Variants in TUBGCP5 observed in about 807,000 individuals in gnomAD.
The protein encoded by TUBGCP5 is tubulin gamma complex component 5.
TUBGCP5 carries 98 observed loss-of-function variants against 134.7 expected under a neutral mutation model. That is an observed-to-expected ratio of 0.73 (90% CI 0.62 to 0.86). The LOEUF is 0.86. Ranked by LOEUF, TUBGCP5 falls within the 40% of genes least tolerant of loss-of-function variation. TUBGCP5 has a pLI of 0.00. For synonymous variants in TUBGCP5, 456 were observed against 431.4 expected, an observed-to-expected ratio of 1.06 and a Z score of -0.71; for missense variants, 1,150 against 1,244.8, an observed-to-expected ratio of 0.92 and a Z score of 1.15.
intron 11 of TUBGCP5, among the ~76,000 whole-genome samples, chr15:23,021,714 A>C (rs1275687812): frequency 6.6e-6 from 1 of 152,220 alleles, no homozygotes; most frequent in African/African-American, 2.4e-5. Context: ...TATTGTAAAT[A>C]TCTATACACA....
At chr15:23,024,238 A>T (rs2140573564) in intron 9 of TUBGCP5, 45 bp from the exon 10 acceptor site, 1 of 1,590,140 alleles carries the variant, frequency 6.3e-7, no homozygotes, top group Non-Finnish European at 8.6e-7. Context: ...GGTCTTCTGT[A>T]AACATTCAAA....
At chr15:23,035,304 TG>T (rs2066520429) in intron 3 of TUBGCP5, among the ~76,000 whole-genome samples, 1 of 140,230 alleles carries the variant, frequency 7.1e-6, no homozygotes, top group Admixed American at 7.3e-5. Flanking sequence ...ACTCCAAGCC[TG>T]GGTGACAAAG....
chr15:23,018,177 G>A (rs1189268697), intron 12 of TUBGCP5, 136 bp from the exon 13 acceptor site: 17 of 800,696 alleles, frequency 2.1e-5, no homozygotes, highest in South Asian at 4.1e-5. Context: ...AGGCAAAATG[G>A]GACAGTTTTA....
In TUBGCP5 at chr15:23,031,942, C is replaced by T; in HGVS notation, c.486+8G>A. 6.3e-7 allele frequency: 1 copy of T among 1,593,922 alleles called. No individual in the cohort carries two copies. The highest frequency in any genetic ancestry group is 8.6e-7 in the Non-Finnish European group (1 of 1,169,324). ...TCAATTTTCAATAGCAAAACTACTA[C>T]CACTTACTGGTGTGTCCATGTACGG... On this transcript the variant is annotated splice_region_variant and intron_variant, in intron 5 of 22. Transcript: ENST00000615383.
intron 23 of TUBGCP5, among the ~76,000 whole-genome samples, chr15:22,989,024 G>A (rs1334979107): frequency 2.0e-5 from 3 of 152,018 alleles, no homozygotes; most frequent in Non-Finnish European, 2.9e-5. Context: ...TCTGCCCTCA[G>A]GCTGCCCTGG....
intron 23 of TUBGCP5, among the ~76,000 whole-genome samples, chr15:22,993,525 G>GTTTTCTT (rs2063925228): frequency 1.4e-5 from 1 of 69,288 alleles, no homozygotes; most frequent in African/African-American, 6.0e-5. Context: ...AGCCCCCGAA[G>GTTTTCTT]TTTTTTTTTT....
rs2289814 is a variant in TUBGCP5, at chr15:23,003,304, T to C, written c.2839-151A>G. On this transcript the variant is annotated intron_variant, in intron 20 of 22. Transcript: ENST00000615383. ...TGGAAGGGTACTAGGCTCTGAACCA[T>C]GCCCATTTGGGACCAGGCACATGCA... The C allele has an allele frequency of 0.1, 67,497 of 659,072 alleles. 6,313 individuals are homozygous for C. The highest frequency in any genetic ancestry group is 0.46 in the East Asian group (16,198 of 35,426). The allele number at this position is 659,072 out of a possible 1,614,324, so 40.8% of individuals were successfully genotyped here. A position where few individuals can be genotyped will look rare whatever the true frequency, so the allele number is the denominator to read the frequency against.
intron 18 of TUBGCP5, 96 bp downstream of exon 18, chr15:23,005,956 T>TC (rs527395918): frequency 2.3e-5 from 31 of 1,330,276 alleles, no homozygotes; most frequent in Non-Finnish European, 2.9e-5. Context: ...TTTTTTTTTT[T>TC]CCAGATCCCC....
Position 23,039,418 on chromosome 15 carries a change from G to C in TUBGCP5, c.126C>G (p.Asn42Lys), listed in dbSNP as rs757026119. 11 of 1,525,844 alleles carry C rather than the reference G, an allele frequency of 7.2e-6. No individual in the cohort carries two copies. The highest frequency in any genetic ancestry group is 1.4e-5 in the African/African-American group (1 of 70,140). 94.5% of individuals were successfully genotyped at this position (1,525,844 alleles called of 1,614,324 possible). A position where few individuals can be genotyped will look rare whatever the true frequency, so the allele number is the denominator to read the frequency against. ...EADPNFQLAL[N>K]FAWSNFRFHR... is the part of the protein sequence containing the mutation. ...CACACCTGAAGTTGGACCAGGCGAAGTTTAGGGCGAGCTGGAAGTTGGGGT... is the reference window on the plus strand; with the variant it reads ...CACACCTGAAGTTGGACCAGGCGAACTTTAGGGCGAGCTGGAAGTTGGGGT... The change falls in exon 1 of 23, where the codon AAC (asparagine) becomes AAG (lysine). Residue 42 changes from asparagine to lysine, a missense_variant. Physicochemically the swap from Asn to Lys is moderately conservative, Grantham distance 94 (BLOSUM62 0). Coordinates refer to ENST00000615383, the MANE Select transcript of TUBGCP5 (RefSeq NM_052903.6).
intron 6 of TUBGCP5, among the ~76,000 whole-genome samples, chr15:23,030,042 A>G (rs2066218415): frequency 6.6e-6 from 1 of 152,280 alleles, no homozygotes; most frequent in Admixed American, 6.5e-5. Flanking sequence ...AAAAAATACA[A>G]AAATTAACTG....
chr15:23,009,264 A>T (rs2064897006), intron 15 of TUBGCP5, among the ~76,000 whole-genome samples: 1 of 149,948 alleles, frequency 6.7e-6, no homozygotes, highest in Non-Finnish European at 1.5e-5. Context: ...CTGCTTTTTA[A>T]TTGCCATAAT....
chr15:23,029,064 G>C (rs2066143350), intron 6 of TUBGCP5, among the ~76,000 whole-genome samples: 2 of 151,828 alleles, frequency 1.3e-5, no homozygotes, highest in South Asian at 4.1e-4. Context: ...ATTAACAAAT[G>C]AACACTCAAG....
intron 10 of TUBGCP5, 147 bp downstream of exon 10, chr15:23,023,800 T>C (rs774534122): frequency 4.0e-6 from 3 of 748,954 alleles, no homozygotes; most frequent in Non-Finnish European, 5.9e-6. Context: ...GGCTTAAAAA[T>C]ATAAATTTAA....
In TUBGCP5 at chr15:23,011,317, T is replaced by C; in HGVS notation, c.1771A>G (p.Ser591Gly). The change falls in exon 14 of 23, where the codon AGT becomes GGT. Residue 591 changes from serine (S) to glycine (G), a missense_variant. Physicochemically the swap from Ser to Gly is moderately conservative, Grantham distance 56 (BLOSUM62 0). Around this residue, in one of 2 missense-constraint regions of TUBGCP5, gnomAD observed 697 missense variants for 850.1 expected, o/e 0.82. Transcript: ENST00000615383. ...QAGARDAERKSLYTLFLESVQ... is the reference protein window; with the variant it reads ...QAGARDAERKGLYTLFLESVQ... The stretch of plus-strand genomic sequence containing the variant: ...GATTCCAGAAAGAGAGTGTATAAAC[T>C]TTTTCTTTCTGCATCTGAAACATAA... The C allele has an allele frequency of 6.2e-7, 1 of 1,609,710 alleles. No homozygotes were observed. Among genetic ancestry groups the C allele is most frequent in the Non-Finnish European group, 8.5e-7 (1 of 1,177,724 alleles).
Position 22,999,764 on chromosome 15 carries a change from G to T in TUBGCP5, c.*56C>A. Reference sequence around the variant, plus strand: ...TATTTTCACTTTTCAGCTGCACATGGTGGAAATGTACATGTATGATGACAA... The same window carrying T: ...TATTTTCACTTTTCAGCTGCACATGTTGGAAATGTACATGTATGATGACAA... On this transcript the variant is annotated 3_prime_UTR_variant, in exon 23 of 23. Coordinates refer to ENST00000615383, the MANE Select transcript of TUBGCP5 (RefSeq NM_052903.6). 2 of 1,547,476 alleles carry T rather than the reference G, an allele frequency of 1.3e-6. No individual in the cohort carries two copies.
intron 14 of TUBGCP5, 150 bp downstream of exon 14, chr15:23,010,983 A>G: frequency 3.9e-6 from 3 of 777,480 alleles, no homozygotes; most frequent in Middle Eastern, 7.7e-4. Context: ...TCCATCTCAA[A>G]CAAACAAAAA....
In TUBGCP5 at chr15:23,017,861, C is replaced by T. The variant is rs771420237; in HGVS notation, c.1668G>A (p.Leu556=). ...HTMVSFLKPV[L]KQIIMAGKSM... The stretch of plus-strand genomic sequence containing the variant: ...ACTTGCCAGCCATTATGATCTGCTT[C>T]AGGACAGGTTTGAGGAAGGACACCA... Residue 556 remains leucine (L), a synonymous_variant, in exon 13 of 23, where the codon CTG becomes CTA. Coordinates refer to ENST00000615383, the MANE Select transcript of TUBGCP5 (RefSeq NM_052903.6). The T allele has an allele frequency of 1.2e-6, 2 of 1,614,104 alleles. No homozygotes were observed.
At chr15:23,012,509 C>T (rs1178766189) in intron 13 of TUBGCP5, among the ~76,000 whole-genome samples, 2 of 151,920 alleles carry the variant, frequency 1.3e-5, no homozygotes, top group Admixed American at 6.6e-5. Context: ...CTGGTTGAAG[C>T]GATTATCTTG....
At position 23,017,776 on chromosome 15, in the gene TUBGCP5, T is replaced by G; in HGVS notation, c.1753A>C (p.Arg585=). 1 of 1,613,086 alleles carries G rather than the reference T, an allele frequency of 6.2e-7. No individual in the cohort carries two copies. Among genetic ancestry groups the G allele is most frequent in the Non-Finnish European group, 8.5e-7 (1 of 1,179,326 alleles). The change falls in exon 13 of 23, where the codon AGA becomes CGA. Residue 585 remains arginine (R), a synonymous_variant. Transcript: ENST00000615383. The stretch of plus-strand genomic sequence containing the variant: ...CACAGGAAGACGGAACAAGTACCTC[T>G]GGCTCCTGCCTGGCAGGTGGTGCTC... The part of the protein sequence containing the change: ...AESTTCQAGA[R]DAERKSLYTL...
Sources: allele counts gnomAD v4.1 joint callset (sites outside exome capture counted in the v4.1 genomes callset), GRCh38; gene constraint gnomAD v4.1.1; regional missense constraint gnomAD v4.1.1; transcripts MANE v1.5; gene names NCBI Gene and HGNC (gene_info 2026-07-23, HGNC 2026-07-21).